Variants in RPGRIP1L observed in about 807,000 individuals in gnomAD.
The protein encoded by RPGRIP1L is protein fantom.
Under a neutral mutation model 160.4 loss-of-function variants are expected in RPGRIP1L, and 131 were observed. That is an observed-to-expected ratio of 0.82 (90% CI 0.71 to 0.94). RPGRIP1L has a LOEUF of 0.94. RPGRIP1L is among the 40% of genes least tolerant of loss of function. The probability of loss-of-function intolerance (pLI) is 0.00; values close to 1 mark genes in which losing one functional copy is unlikely to be tolerated. For missense variants in RPGRIP1L, 1,522 were observed against 1,535.8 expected (o/e 0.99, Z 0.15); for synonymous variants, 510 against 515.8 (o/e 0.99, Z 0.15).
At chr16:53,679,046 T>C (rs2151281385) in intron 6 of RPGRIP1L, among the ~76,000 whole-genome samples, 1 of 152,334 alleles carries the variant, frequency 6.6e-6, no homozygotes, top group Non-Finnish European at 1.5e-5. Context: ...TTGCTCAAAA[T>C]TGCTACTTGA....
At chr16:53,607,861 G>T in intron 25 of RPGRIP1L, 2 of 374,486 alleles carry the variant, frequency 5.3e-6, no homozygotes, top group Non-Finnish European at 7.4e-6. Flanking sequence ...AATCATTTAA[G>T]AATTAAAAGT....
At chr16:53,627,180 T>C (rs954777860) in intron 22 of RPGRIP1L, among the ~76,000 whole-genome samples, 2 of 152,190 alleles carry the variant, frequency 1.3e-5, no homozygotes, top group African/African-American at 4.8e-5. Context: ...AGTTGAATTG[T>C]TGGGCTTCTG....
At chr16:53,692,672 G>T (rs1365839086) in intron 3 of RPGRIP1L, among the ~76,000 whole-genome samples, 1 of 152,176 alleles carries the variant, frequency 6.6e-6, no homozygotes, top group Non-Finnish European at 1.5e-5. Flanking sequence ...ACCTTATATA[G>T]GAATGCTGTA....
At chr16:53,614,450 G>C (rs1964232429) in intron 24 of RPGRIP1L, among the ~76,000 whole-genome samples, 2 of 152,340 alleles carry the variant, frequency 1.3e-5, no homozygotes, top group South Asian at 2.1e-4. Flanking sequence ...ATTCTAACAT[G>C]TTTCCAGTTG....
chr16:53,658,563 G>A (rs1348717321), intron 11 of RPGRIP1L, 99 bp from the exon 12 acceptor site: 1 of 1,027,352 alleles, frequency 9.7e-7, no homozygotes, highest in Non-Finnish European at 1.5e-6. Flanking sequence ...TAAACTGACT[G>A]ATGCCATGAA....
intron 20 of RPGRIP1L, among the ~76,000 whole-genome samples, chr16:53,638,065 A>T (rs1965953508): frequency 6.6e-6 from 1 of 152,186 alleles, no homozygotes; most frequent in African/African-American, 2.4e-5. Flanking sequence ...CTAAGAATAA[A>T]AAATGTATTA....
chr16:53,656,034 A>C (rs1292483035), intron 14 of RPGRIP1L, among the ~76,000 whole-genome samples: 1 of 152,246 alleles, frequency 6.6e-6, no homozygotes, highest in Non-Finnish European at 1.5e-5. Flanking sequence ...GCTGAGGTGC[A>C]CAGGTTGCTT....
intron 10 of RPGRIP1L, among the ~76,000 whole-genome samples, chr16:53,662,251 T>C (rs1365862955): frequency 6.6e-6 from 1 of 152,136 alleles, no homozygotes; most frequent in Non-Finnish European, 1.5e-5. Context: ...CTGTGATCAA[T>C]ATAACCATAT....
chr16:53,609,395 G>A (rs1047004767), intron 25 of RPGRIP1L, among the ~76,000 whole-genome samples: 4 of 152,100 alleles, frequency 2.6e-5, no homozygotes, highest in African/African-American at 9.7e-5. Flanking sequence ...ACCACACCTG[G>A]CCTTTTTAAA....
chr16:53,681,239 GA>G (rs1331743278), intron 6 of RPGRIP1L, among the ~76,000 whole-genome samples: 1 of 152,120 alleles, frequency 6.6e-6, no homozygotes, highest in East Asian at 1.9e-4. Context: ...CCTCCACTGG[GA>G]CATTATGGCA....
chr16:53,697,675 C>T (rs914544661), intron 2 of RPGRIP1L, among the ~76,000 whole-genome samples: 1 of 152,132 alleles, frequency 6.6e-6, no homozygotes, highest in Non-Finnish European at 1.5e-5. Flanking sequence ...TCAATGGTGC[C>T]CAGGCTGGAG....
intron 22 of RPGRIP1L, among the ~76,000 whole-genome samples, chr16:53,625,923 T>C (rs1965127328): frequency 1.3e-5 from 2 of 151,888 alleles, no homozygotes; most frequent in African/African-American, 4.8e-5. Flanking sequence ...TGTGCTTTGT[T>C]AAACAGATGC....
intron 10 of RPGRIP1L, among the ~76,000 whole-genome samples, chr16:53,660,563 AT>A (rs1283293845): frequency 3.3e-5 from 5 of 150,660 alleles, no homozygotes; most frequent in Non-Finnish European, 5.9e-5. Context: ...AAATAAAAAA[AT>A]AAAAAAAAAA....
At chr16:53,617,994 T>A (rs112370656) in intron 24 of RPGRIP1L, among the ~76,000 whole-genome samples, 1 of 152,204 alleles carries the variant, frequency 6.6e-6, no homozygotes, top group Admixed American at 6.5e-5. Flanking sequence ...TAGGAGAACA[T>A]ACTAAGCTGT....
intron 8 of RPGRIP1L, among the ~76,000 whole-genome samples, 156 bp from the exon 9 acceptor site, chr16:53,671,739 C>T (rs1968755842): frequency 6.6e-6 from 1 of 152,096 alleles, no homozygotes; most frequent in South Asian, 2.1e-4. Flanking sequence ...ATATTGTCTG[C>T]ATTTAAGTCA....
At chr16:53,648,632 A>G (rs1474235708) in intron 16 of RPGRIP1L, among the ~76,000 whole-genome samples, 1 of 151,504 alleles carries the variant, frequency 6.6e-6, no homozygotes, top group South Asian at 2.1e-4. Flanking sequence ...GCGCGCACAC[A>G]CACACACACA....
At chr16:53,621,894 G>A (rs906490911) in intron 23 of RPGRIP1L, among the ~76,000 whole-genome samples, 3 of 151,390 alleles carry the variant, frequency 2.0e-5, no homozygotes, top group Admixed American at 6.6e-5. Flanking sequence ...GTGGTGGCGG[G>A]CACCTGTAGT....
chr16:53,686,598 A>G (rs199885481), intron 5 of RPGRIP1L, 22 bp from the exon 6 acceptor site: 2 of 1,613,030 alleles, frequency 1.2e-6, no homozygotes, highest in Non-Finnish European at 8.5e-7. Flanking sequence ...AGCCTCTGTA[A>G]GAACTTGTAG....
chr16:53,642,462 C>T (rs1444905679), intron 17 of RPGRIP1L, among the ~76,000 whole-genome samples: 1 of 150,958 alleles, frequency 6.6e-6, no homozygotes, highest in African/African-American at 2.4e-5. Flanking sequence ...AAACTCTAGA[C>T]TTTGGGTAGG....
Sources: allele counts gnomAD v4.1 joint callset (sites outside exome capture counted in the v4.1 genomes callset), GRCh38; gene constraint gnomAD v4.1.1; transcripts MANE v1.5; gene names NCBI Gene and HGNC (gene_info 2026-07-23, HGNC 2026-07-21).